The following BCAS3 variants were observed in gnomAD, a reference collection of about 807,000 sequenced individuals.
The protein encoded by BCAS3 is BCAS3 microtubule associated cell migration factor.
A neutral mutation model predicts 116.1 loss-of-function variants in BCAS3; 53 were observed. The observed-to-expected ratio is 0.46, with a 90% confidence interval of 0.37 to 0.57. BCAS3 has a LOEUF of 0.57. Ranked by LOEUF, BCAS3 falls within the 20% of genes least tolerant of loss-of-function variation. BCAS3 has a pLI of 0.00. For synonymous variants in BCAS3, 391 were observed against 408.2 expected (o/e 0.96, Z 0.51); for missense variants, 917 against 1,165.4 (o/e 0.79, Z 3.10).
rs529730035 is a variant in BCAS3, at chr17:61,106,283, T to A, written c.2425+21719T>A. Among the ~76,000 whole-genome samples, 1 of 152,360 alleles carries A rather than the reference T, an allele frequency of 6.6e-6. No homozygotes were observed. Among genetic ancestry groups the A allele is most frequent in the Admixed American group, 6.5e-5 (1 of 15,300 alleles). On this transcript the variant is annotated intron_variant, in intron 22 of 23. Transcript: ENST00000407086. The surrounding 1 kb of genome is among the most constrained non-coding windows in gnomAD (Gnocchi z 4.2). ...CTTTCAGTCAACAGTGGACCTTATA[T>A]GCTCGTGCAACAGTGTTCCAGTAAA...
intron 19 of BCAS3, among the ~76,000 whole-genome samples, chr17:61,064,249 A>G (rs2070377169): frequency 6.6e-6 from 1 of 152,070 alleles, no homozygotes; most frequent in African/African-American, 2.4e-5. Context: ...GTGCACTATG[A>G]TGATCATGCC....
intron 17 of BCAS3, among the ~76,000 whole-genome samples, chr17:61,035,627 A>G (rs2066964527): frequency 6.6e-6 from 1 of 151,784 alleles, no homozygotes; most frequent in Admixed American, 6.6e-5. Context: ...CCAGTGAGAA[A>G]TAAGGCTCAG....
Position 61,363,253 on chromosome 17 carries a change from G to A in BCAS3, c.2426-5074G>A, listed in dbSNP as rs1191724761. Among the ~76,000 whole-genome samples, 2 of 152,204 alleles carry A rather than the reference G, an allele frequency of 1.3e-5. No individual in the cohort carries two copies. The highest frequency in any genetic ancestry group is 4.8e-5 in the African/African-American group (2 of 41,454). On this transcript the variant is annotated intron_variant, in intron 22 of 23. Coordinates refer to ENST00000407086, the MANE Select transcript of BCAS3 (RefSeq NM_017679.5). The surrounding 1 kb of genome is among the most constrained non-coding windows in gnomAD (Gnocchi z 4.9). ...ATGCAAGCACACATTTTTTGAGTAA[G>A]TGCTTAGCTTTCATCAACTTCACCT...
At chr17:61,179,637 A>G (rs1026331054) in intron 22 of BCAS3, among the ~76,000 whole-genome samples, 5 of 152,178 alleles carry the variant, frequency 3.3e-5, no homozygotes, top group Non-Finnish European at 2.9e-5. Context: ...CTAACCCTCT[A>G]TCTCTTGCCT....
At chr17:60,981,659 A>G (rs894307512) in intron 14 of BCAS3, among the ~76,000 whole-genome samples, 1 of 152,156 alleles carries the variant, frequency 6.6e-6, no homozygotes, top group African/African-American at 2.4e-5. Flanking sequence ...TTATGAGGAC[A>G]ATAATAATAA....
At chr17:60,786,547 G>GTGTATATATATATA (rs575616960) in intron 6 of BCAS3, among the ~76,000 whole-genome samples, 1 of 140,702 alleles carries the variant, frequency 7.1e-6, no homozygotes, top group African/African-American at 2.6e-5. Context: ...CTGCAAATGT[G>GTGTATATATATATA]TATATATATA....
At chr17:60,773,825 T>G (rs1357741057) in intron 6 of BCAS3, among the ~76,000 whole-genome samples, 1 of 152,126 alleles carries the variant, frequency 6.6e-6, no homozygotes, top group South Asian at 2.1e-4. Context: ...TTTTTGTATT[T>G]TTTTGGAGAC....
At chr17:61,371,873 G>A (rs1747395385) in intron 23 of BCAS3, among the ~76,000 whole-genome samples, 1 of 152,214 alleles carries the variant, frequency 6.6e-6, no homozygotes, top group African/African-American at 2.4e-5. Flanking sequence ...GAGAAGGTCA[G>A]TTTTAAATTA....
chr17:60,787,787 C>T (rs1374788334), intron 6 of BCAS3, among the ~76,000 whole-genome samples: 1 of 151,982 alleles, frequency 6.6e-6, no homozygotes, highest in Non-Finnish European at 1.5e-5. Flanking sequence ...GGAAGTGCAG[C>T]ATTACTGAGG....
chr17:61,163,240 C>T (rs988232061), intron 22 of BCAS3, among the ~76,000 whole-genome samples: 7 of 151,966 alleles, frequency 4.6e-5, no homozygotes, highest in African/African-American at 1.7e-4. Context: ...CTGGCTAACA[C>T]GGTGAAACCC....
intron 22 of BCAS3, among the ~76,000 whole-genome samples, chr17:61,284,487 A>G (rs1156563719): frequency 6.6e-6 from 1 of 152,188 alleles, no homozygotes; most frequent in African/African-American, 2.4e-5. Flanking sequence ...ATCTTTAAGA[A>G]CTGTAACACT....
rs2081651202 is a variant in BCAS3, at chr17:61,214,422, T to C, written c.2425+129858T>C. On this transcript the variant is annotated intron_variant, in intron 22 of 23. Transcript: ENST00000407086. This position sits in a 1 kb window ranked among gnomAD's most constrained non-coding sequence, Gnocchi z 4.4. The stretch of plus-strand genomic sequence containing the variant: ...ATTTTAGGCTGGGCGCAGTGGCTCA[T>C]GCCTGTAATCCCAGCACTTTGCAAG... Among the ~76,000 whole-genome samples, 1 of 151,430 alleles carries C rather than the reference T, an allele frequency of 6.6e-6. No individual in the cohort carries two copies. The highest frequency in any genetic ancestry group is 2.4e-5 in the African/African-American group (1 of 41,122).
At chr17:61,308,587 G>C (rs1043802947) in intron 22 of BCAS3, among the ~76,000 whole-genome samples, 2 of 151,988 alleles carry the variant, frequency 1.3e-5, no homozygotes, top group Non-Finnish European at 2.9e-5. Flanking sequence ...CTATAAATAT[G>C]GTAAAGTGCC....
At chr17:60,972,328 C>T (rs892458502) in intron 14 of BCAS3, among the ~76,000 whole-genome samples, 1 of 152,092 alleles carries the variant, frequency 6.6e-6, no homozygotes, top group Admixed American at 6.5e-5. Context: ...TGTGCACATG[C>T]CAGTTGCTCC....
chr17:61,079,340 A>T (rs1043420823), intron 21 of BCAS3, among the ~76,000 whole-genome samples: 1 of 152,212 alleles, frequency 6.6e-6, no homozygotes, highest in Non-Finnish European at 1.5e-5. Context: ...CATAGTGGAA[A>T]TACGTTTTTG....
intron 19 of BCAS3, among the ~76,000 whole-genome samples, chr17:61,067,273 G>GTATATA (rs1199603635): frequency 0.037 from 2,142 of 58,612 alleles, 78 homozygotes; most frequent in Middle Eastern, 0.05. Flanking sequence ...GTGTGTATGT[G>GTATATA]TATATATATA....
chr17:61,172,743 T>C (rs1303662470), intron 22 of BCAS3, among the ~76,000 whole-genome samples: 4 of 151,540 alleles, frequency 2.6e-5, no homozygotes, highest in African/African-American at 9.7e-5. Flanking sequence ...CCCAGCACTT[T>C]GGGAGGCCAA....
At chr17:61,358,984 T>C (rs1025303594) in intron 22 of BCAS3, among the ~76,000 whole-genome samples, 1 of 152,048 alleles carries the variant, frequency 6.6e-6, no homozygotes, top group African/African-American at 2.4e-5. Context: ...AGCTAAGAGG[T>C]TGCTTCTCCT....
chr17:61,103,496 G>A (rs1181964314), intron 22 of BCAS3, among the ~76,000 whole-genome samples: 1 of 152,086 alleles, frequency 6.6e-6, no homozygotes, highest in Non-Finnish European at 1.5e-5. Flanking sequence ...TCTTAAAAAA[G>A]AACCTCAAAA....
Sources: gnomAD v4.1 joint callset for allele counts (sites outside exome capture counted in the v4.1 genomes callset) on GRCh38, gnomAD v4.1.1 for gene constraint, Gnocchi (gnomAD v3.1) non-coding constraint, MANE v1.5 for transcripts, NCBI Gene and HGNC (gene_info 2026-07-23, HGNC 2026-07-21) for gene names.